The following PHC2 variants were observed in gnomAD, a reference collection of about 807,000 sequenced individuals.
PHC2 encodes polyhomeotic-like protein 2.
A neutral mutation model predicts 87.4 loss-of-function variants in PHC2; 29 were observed. That is an observed-to-expected ratio of 0.33 (90% CI 0.25 to 0.45). PHC2 has a LOEUF of 0.45. PHC2 is among the 20% of genes least tolerant of loss of function. The pLI is 1.00. For missense variants in PHC2, 857 were observed against 1,136.7 expected (o/e 0.75, Z 3.54); for synonymous variants, 438 against 461.7 (o/e 0.95, Z 0.66).
intron 9 of PHC2, among the ~76,000 whole-genome samples, chr1:33,335,513 A>T (rs982711578): frequency 2.6e-5 from 4 of 152,254 alleles, no homozygotes; most frequent in Non-Finnish European, 5.9e-5. Flanking sequence ...AGATGCTCAT[A>T]TTTCATGTTA....
At chr1:33,401,234 G>A (rs1473713804) in intron 1 of PHC2, among the ~76,000 whole-genome samples, 1 of 152,096 alleles carries the variant, frequency 6.6e-6, no homozygotes, top group African/African-American at 2.4e-5. Flanking sequence ...GCTGAGGCAG[G>A]AGAATGGCGT....
intron 1 of PHC2, among the ~76,000 whole-genome samples, chr1:33,411,550 C>T (rs535500573): frequency 1.3e-5 from 2 of 151,528 alleles, no homozygotes; most frequent in Non-Finnish European, 2.9e-5. Context: ...ATCATATGAT[C>T]ATCTTTTAGT....
intron 7 of PHC2, among the ~76,000 whole-genome samples, chr1:33,366,577 C>T (rs990983644): frequency 6.6e-6 from 1 of 152,238 alleles, no homozygotes; most frequent in East Asian, 1.9e-4. Context: ...ATATGCACTG[C>T]ACTCTCTGTC....
At chr1:33,390,626 A>G (rs1649000686) in intron 1 of PHC2, among the ~76,000 whole-genome samples, 1 of 152,160 alleles carries the variant, frequency 6.6e-6, no homozygotes, top group South Asian at 2.1e-4. Context: ...TCTATTTTTA[A>G]GAAGTTAACA....
chr1:33,427,796 A>AT (rs1463210202), intron 1 of PHC2, among the ~76,000 whole-genome samples: 4 of 152,200 alleles, frequency 2.6e-5, no homozygotes, highest in Non-Finnish European at 4.4e-5. Flanking sequence ...TACACAACAA[A>AT]TGGTGGTGAA....
intron 1 of PHC2, among the ~76,000 whole-genome samples, chr1:33,405,795 G>A (rs960309007): frequency 6.8e-6 from 1 of 147,834 alleles, no homozygotes; most frequent in African/African-American, 2.4e-5. Flanking sequence ...CCAAATATTG[G>A]TATTTCTAGT....
intron 1 of PHC2, among the ~76,000 whole-genome samples, chr1:33,420,591 T>C (rs758304943): frequency 1.3e-5 from 2 of 152,186 alleles, no homozygotes; most frequent in Non-Finnish European, 2.9e-5. Flanking sequence ...TATTCATGAT[T>C]TGAACTCGGA....
chr1:33,326,670 T>C (rs1350009380), intron 14 of PHC2, among the ~76,000 whole-genome samples: 1 of 152,196 alleles, frequency 6.6e-6, no homozygotes, highest in Non-Finnish European at 1.5e-5. Context: ...GAGTCAAAGG[T>C]AGGCCGGGCG....
chr1:33,418,353 AAG>A lies in PHC2; in HGVS notation c.-55+12621_-55+12622del, dbSNP rs1302090985. 2.5e-5 allele frequency among the ~76,000 whole-genome samples: 3 copies of A among 118,528 alleles called. No individual in the cohort carries two copies. The East Asian group carries it at 7.7e-4, about 30-fold the overall frequency. 77.8% of individuals were successfully genotyped at this position (118,528 alleles called of 152,430 possible). ...ATTGATCAGAAAAAGGAGCAAGAGC[AAG>A]AGAGAGAAAGAGAGTGAGAGAGAGA... On this transcript the variant is annotated intron_variant, in intron 1 of 14. Coordinates refer to ENST00000683057, the MANE Select transcript of PHC2 (RefSeq NM_001385109.1).
chr1:33,350,420 G>C, intron 9 of PHC2: 1 of 152,318 alleles, frequency 6.6e-6, no homozygotes, highest in East Asian at 1.9e-4. Context: ...CAGGCGGCCC[G>C]CCGTGCCTGG....
chr1:33,367,327 C>G lies in PHC2; in HGVS notation c.765G>C (p.Thr255=), dbSNP rs572884713. The part of the protein sequence containing the change: ...PVLPSLALKP[T]PGGSQPLPTP... ...TAGGCAGAGGCTGGCTACCGCCCGG[C>G]GTGGGTTTCAGGGCCAAGCTGGGCA... The change falls in exon 7 of 15, where the codon ACG becomes ACC. Residue 255 remains threonine (T), a synonymous_variant. Coordinates refer to ENST00000683057, the MANE Select transcript of PHC2 (RefSeq NM_001385109.1). 2.5e-6 allele frequency: 4 copies of G among 1,613,306 alleles called. No individual in the cohort carries two copies. The highest frequency in any genetic ancestry group is 1.7e-4 in the Middle Eastern group (1 of 5,958).
intron 7 of PHC2, among the ~76,000 whole-genome samples, chr1:33,358,198 A>C (rs1042205262): frequency 1.3e-5 from 2 of 152,192 alleles, no homozygotes; most frequent in African/African-American, 2.4e-5. Context: ...CAGCATAAAG[A>C]GTATAGGTAG....
At chr1:33,396,943 G>A (rs1211577822) in intron 1 of PHC2, among the ~76,000 whole-genome samples, 1 of 152,208 alleles carries the variant, frequency 6.6e-6, no homozygotes, top group Non-Finnish European at 1.5e-5. Context: ...GGCTGAAATG[G>A]AGAATGCCAC....
At chr1:33,414,936 C>A (rs1219665090) in intron 1 of PHC2, among the ~76,000 whole-genome samples, 1 of 152,134 alleles carries the variant, frequency 6.6e-6, no homozygotes, top group Non-Finnish European at 1.5e-5. Flanking sequence ...TACTCTCCTG[C>A]CTTAAGCAAC....
chr1:33,344,210 G>C (rs899501740), intron 9 of PHC2, among the ~76,000 whole-genome samples: 3 of 152,170 alleles, frequency 2.0e-5, no homozygotes, highest in African/African-American at 7.2e-5. Context: ...ATGGAAGATG[G>C]ATTTCTACCG....
intron 9 of PHC2, among the ~76,000 whole-genome samples, chr1:33,352,574 A>G (rs1285120268): frequency 6.6e-6 from 1 of 152,266 alleles, no homozygotes; most frequent in Non-Finnish European, 1.5e-5. Flanking sequence ...GTAACACTTA[A>G]CAGATGTAAG....
rs41265895 is a variant in PHC2 at position 33,367,154 on chromosome 1, G to A, written c.938C>T (p.Thr313Met). 1.1e-5 allele frequency: 17 copies of A among 1,613,570 alleles called. No homozygotes were observed. Among genetic ancestry groups the A allele is most frequent in the Admixed American group, 5.0e-5 (3 of 60,020 alleles). Residue 313 changes from threonine to methionine, a missense_variant, in exon 7 of 15, where the codon ACG becomes ATG. Around this residue, in one of 3 missense-constraint regions of PHC2, gnomAD observed 832 missense variants for 1,081.8 expected, o/e 0.77. Transcript: ENST00000683057. ...GGGGTGGGCAGCCACAGCAGGAACC[G>A]TCCGGCTGAGCCCAGCCCGGCCTTC... ...SMEGRAGLSR[T>M]VPAVAAHPLI...
chr1:33,399,533 T>C (rs1649431266), intron 1 of PHC2, among the ~76,000 whole-genome samples: 1 of 152,196 alleles, frequency 6.6e-6, no homozygotes, highest in Non-Finnish European at 1.5e-5. Context: ...ATCTTGCCAT[T>C]GGAGATGTGC....
intron 1 of PHC2, among the ~76,000 whole-genome samples, chr1:33,385,780 G>C (rs1442981344): frequency 6.6e-5 from 10 of 151,822 alleles, no homozygotes; most frequent in Non-Finnish European, 1.2e-4. Context: ...ACTTTCTTGG[G>C]TCTAGTAACA....
Sources: gnomAD v4.1 joint callset for allele counts (sites outside exome capture counted in the v4.1 genomes callset) on GRCh38, gnomAD v4.1.1 for gene constraint, gnomAD v4.1.1 regional missense constraint, MANE v1.5 for transcripts, NCBI Gene and HGNC (gene_info 2026-07-23, HGNC 2026-07-21) for gene names.